Variants in TENM4 observed in about 807,000 individuals in gnomAD.
TENM4 encodes the protein teneurin transmembrane protein 4, also known as teneurin-4.
TENM4 carries 82 observed loss-of-function variants against 243.3 expected under a neutral mutation model. The observed-to-expected ratio is 0.34, with a 90% CI of 0.28 to 0.40. TENM4 has a LOEUF of 0.40. TENM4 is among the 10% of genes least tolerant of loss of function. TENM4 has a pLI of 1.00. For missense variants in TENM4, 3,138 were observed against 3,673.3 expected, an observed-to-expected ratio of 0.85 and a Z score of 3.77; for synonymous variants, 1,412 against 1,456.3, an observed-to-expected ratio of 0.97 and a Z score of 0.69.
chr11:78,967,486 G>A (rs986573878), intron 6 of TENM4, among the ~76,000 whole-genome samples: 42 of 152,152 alleles, frequency 2.8e-4, no homozygotes, highest in African/African-American at 3.6e-4. Context: ...TGACAAGACC[G>A]GGGCTGTACT....
At chr11:78,962,137 A>T (rs1857340632) in intron 6 of TENM4, 1 of 152,648 alleles carries the variant, frequency 6.6e-6, no homozygotes. Flanking sequence ...AGAGAGAGGG[A>T]CTTACCGTTC....
chr11:78,986,153 T>C (rs1857913747), intron 6 of TENM4, among the ~76,000 whole-genome samples: 1 of 152,148 alleles, frequency 6.6e-6, no homozygotes, highest in African/African-American at 2.4e-5. Context: ...GTGATACAAA[T>C]TTGCAGTTTC....
chr11:79,311,136 C>T (rs1365412716), intron 1 of TENM4, among the ~76,000 whole-genome samples: 1 of 152,168 alleles, frequency 6.6e-6, no homozygotes, highest in East Asian at 1.9e-4. Context: ...ATTCTGATTG[C>T]TCAGAGTGTA....
chr11:78,852,943 A>G (rs1261440864), intron 12 of TENM4, among the ~76,000 whole-genome samples: 2 of 152,068 alleles, frequency 1.3e-5, no homozygotes, highest in Non-Finnish European at 2.9e-5. Context: ...TGTAGAAAGG[A>G]GGATCTTGCT....
rs924770097 is a variant in TENM4, at chr11:78,781,069, T to C, written c.2366-2441A>G. On this transcript the variant is annotated intron_variant, in intron 16 of 33. Transcript: ENST00000278550. ...CTTCCTTGTCTCTGGCTATTGAAAA[T>C]GGGAGTGACAAATGGGTCTTTGAAC... 1.7e-4 allele frequency among the ~76,000 whole-genome samples: 26 copies of C among 152,306 alleles called. 2 individuals carry two copies. Among genetic ancestry groups the C allele is most frequent in the Admixed American group, 1.4e-3 (21 of 15,300 alleles).
At chr11:78,898,379 A>T (rs764310011) in intron 7 of TENM4, among the ~76,000 whole-genome samples, 2 of 152,062 alleles carry the variant, frequency 1.3e-5, no homozygotes, top group Non-Finnish European at 2.9e-5. Context: ...TTAATTCTAG[A>T]CTCTCAATAC....
At chr11:78,898,801 T>C (rs1036478683) in intron 7 of TENM4, among the ~76,000 whole-genome samples, 2 of 152,176 alleles carry the variant, frequency 1.3e-5, no homozygotes, top group African/African-American at 4.8e-5. Context: ...TGTACTTTTC[T>C]CTATCAAAGC....
chr11:78,856,572 G>A (rs1858686283), intron 10 of TENM4, among the ~76,000 whole-genome samples: 1 of 152,094 alleles, frequency 6.6e-6, no homozygotes, highest in Non-Finnish European at 1.5e-5. Context: ...AGAAAGGATG[G>A]GGGAACAAAG....
At chr11:79,162,068 C>CA (rs1483282589) in intron 3 of TENM4, among the ~76,000 whole-genome samples, 2 of 152,206 alleles carry the variant, frequency 1.3e-5, no homozygotes, top group Non-Finnish European at 2.9e-5. Context: ...CTATGGAAAG[C>CA]ACAGCTCTTC....
intron 3 of TENM4, among the ~76,000 whole-genome samples, chr11:79,184,053 A>G (rs1863338343): frequency 6.6e-6 from 1 of 152,238 alleles, no homozygotes; most frequent in South Asian, 2.1e-4. Flanking sequence ...ATGTTTGTAC[A>G]TCTATGTTCA....
At chr11:79,270,450 T>A (rs1290859026) in intron 2 of TENM4, among the ~76,000 whole-genome samples, 2 of 152,204 alleles carry the variant, frequency 1.3e-5, no homozygotes, top group Non-Finnish European at 2.9e-5. Flanking sequence ...AATTATCTAC[T>A]GAAAACTCCT....
intron 6 of TENM4, among the ~76,000 whole-genome samples, chr11:79,013,558 T>C (rs1858702499): frequency 6.6e-6 from 1 of 152,136 alleles, no homozygotes; most frequent in Non-Finnish European, 1.5e-5. Flanking sequence ...GGTGGGGAAG[T>C]GACTGGAATC....
rs1478010733 is a variant in TENM4, at chr11:78,777,956, T to C, written c.2392+646A>G. 2.0e-5 allele frequency among the ~76,000 whole-genome samples: 3 copies of C among 152,154 alleles called. No individual in the cohort carries two copies. In the East Asian group the frequency reaches 5.8e-4, roughly 29 times the overall value. ...AATGTTTAAAATGGAAGGAATTACT[T>C]TGCCTCTAGGGAACACTCTTCAAAG... On this transcript the variant is annotated intron_variant, in intron 17 of 33. Transcript: ENST00000278550.
chr11:79,282,426 C>A (rs944363354), intron 2 of TENM4, among the ~76,000 whole-genome samples: 1 of 152,206 alleles, frequency 6.6e-6, no homozygotes, highest in Admixed American at 6.5e-5. Flanking sequence ...TGAATGGCCA[C>A]AATTCAAAAC....
Position 78,822,742 on chromosome 11 carries a change from T to TA in TENM4, c.1682-8348dup, listed in dbSNP as rs1051812871. Among the ~76,000 whole-genome samples, 10 of 152,008 alleles carry TA rather than the reference T, an allele frequency of 6.6e-5. No individual in the cohort carries two copies. The South Asian group carries it at 1.0e-3, about 16-fold the overall frequency. ...GGAACTTAAGATAAAATTTTTTTTTTAAAAAAAGAAAAACAATAGACAAGA... is the reference window on the plus strand; with the variant it reads ...GGAACTTAAGATAAAATTTTTTTTTTAAAAAAAAGAAAAACAATAGACAAGA... On this transcript the variant is annotated intron_variant, in intron 12 of 33. Coordinates refer to ENST00000278550, the MANE Select transcript of TENM4 (RefSeq NM_001098816.3).
In TENM4 at chr11:78,701,606, C is replaced by T; in HGVS notation, c.5007G>A (p.Glu1669=). The change falls in exon 28 of 34, where the codon GAG becomes GAA. Residue 1669 remains glutamate, a synonymous_variant. Transcript: ENST00000278550. ...TGCCATGGTATGTCATCATGGCCAA[C>T]TCGTGTCCTTGTGTGGTCACACTCT... The part of the protein sequence containing the change: ...ALKSVTTQGH[E]LAMMTYHGNS... The T allele has an allele frequency of 6.2e-7, 1 of 1,612,294 alleles. No individual in the cohort carries two copies.
chr11:78,714,275 C>A (rs1485738982), intron 25 of TENM4, among the ~76,000 whole-genome samples: 1 of 152,124 alleles, frequency 6.6e-6, no homozygotes, highest in Non-Finnish European at 1.5e-5. Context: ...GCTGGGGCAC[C>A]ATAATCTTTT....
intron 19 of TENM4, 72 bp from the exon 20 acceptor site, chr11:78,738,642 G>A (rs1855853433): frequency 3.9e-6 from 6 of 1,520,664 alleles, no homozygotes; most frequent in East Asian, 2.4e-5. Context: ...AGGGAACCCC[G>A]AGAGGCCAGA....
At chr11:78,976,920 G>A (rs1857671120) in intron 6 of TENM4, among the ~76,000 whole-genome samples, 2 of 152,188 alleles carry the variant, frequency 1.3e-5, no homozygotes, top group Non-Finnish European at 2.9e-5. Context: ...CACTTGCCAC[G>A]TGCTTTCCAA....
Sources: allele counts gnomAD v4.1 joint callset (sites outside exome capture counted in the v4.1 genomes callset), GRCh38; gene constraint gnomAD v4.1.1; transcripts MANE v1.5; gene names NCBI Gene and HGNC (gene_info 2026-07-23, HGNC 2026-07-21).